The following PXMP2 variants were observed in gnomAD, a reference collection of about 807,000 sequenced individuals.
PXMP2 encodes the protein peroxisomal membrane protein 2.
PXMP2 carries 13 observed loss-of-function variants against 20.2 expected under a neutral mutation model. That is an observed-to-expected ratio of 0.64 (90% CI 0.42 to 1.02). The LOEUF is 1.02. Among genes scored for constraint, PXMP2 ranks in the 50% least tolerant of loss-of-function variants. The pLI, the probability that PXMP2 is intolerant of heterozygous loss-of-function variation, is 0.00. For missense variants in PXMP2, 284 were observed against 251.8 expected, an observed-to-expected ratio of 1.13 and a Z score of -0.87; for synonymous variants, 113 against 111.2, an observed-to-expected ratio of 1.02 and a Z score of -0.10.
chr12:132,689,367 A>G (rs2043352135), intron 1 of PXMP2, among the ~76,000 whole-genome samples: 1 of 152,170 alleles, frequency 6.6e-6, no homozygotes, highest in African/African-American at 2.4e-5. Context: ...CAGGCTGTGT[A>G]AAGAAGTGGA....
intron 4 of PXMP2, among the ~76,000 whole-genome samples, chr12:132,703,303 A>C (rs1196950877): frequency 1.3e-5 from 2 of 152,206 alleles, no homozygotes; most frequent in Non-Finnish European, 2.9e-5. Context: ...GTTTGAGAGA[A>C]GGTGAGAAGT....
intron 2 of PXMP2, among the ~76,000 whole-genome samples, chr12:132,691,269 G>C (rs182401735): frequency 1.5e-4 from 23 of 151,704 alleles, no homozygotes; most frequent in African/African-American, 5.1e-4. Flanking sequence ...AGGATGGTCT[G>C]GATCTCCTGA....
intron 3 of PXMP2, among the ~76,000 whole-genome samples, chr12:132,698,697 G>T (rs2043423136): frequency 6.6e-6 from 1 of 152,036 alleles, no homozygotes; most frequent in Non-Finnish European, 1.5e-5. Flanking sequence ...CACAATATCG[G>T]CTCACTGCAA....
intron 1 of PXMP2, among the ~76,000 whole-genome samples, chr12:132,689,215 G>A (rs1336584909): frequency 1.4e-5 from 2 of 141,534 alleles, no homozygotes; most frequent in Non-Finnish European, 3.1e-5. Context: ...TCTGCGTGGT[G>A]CGGGTGAAGA....
intron 2 of PXMP2, among the ~76,000 whole-genome samples, chr12:132,692,441 C>T (rs1174177543): frequency 1.0e-5 from 1 of 97,632 alleles, no homozygotes; most frequent in Admixed American, 1.0e-4. Context: ...AGTTAGTGAG[C>T]GCCCTTAGCC....
intron 1 of PXMP2, among the ~76,000 whole-genome samples, chr12:132,689,850 C>T (rs1337521079): frequency 6.6e-6 from 1 of 152,160 alleles, no homozygotes; most frequent in African/African-American, 2.4e-5. Context: ...AGATCCTATT[C>T]GGATTTCTCC....
At chr12:132,700,933 TAGCTCTGAGTAGC>T (rs1431585294) in intron 3 of PXMP2, among the ~76,000 whole-genome samples, 1 of 151,646 alleles carries the variant, frequency 6.6e-6, no homozygotes, top group African/African-American at 2.4e-5. Flanking sequence ...ATTGACAGCG[TAGCTCTGAGTAGC>T]AGTTCTGGTG....
chr12:132,696,946 G>A lies in PXMP2; in HGVS notation c.399+900G>A, dbSNP rs2043413193. The stretch of plus-strand genomic sequence containing the variant: ...GCTGAGATTGTGCCACTGCACTCCA[G>A]TCTGGGCAACAGAGCAAGACTCTGC... On this transcript the variant is annotated intron_variant, in intron 3 of 4. Transcript: ENST00000317479. The surrounding 1 kb of genome is among the most constrained non-coding windows in gnomAD (Gnocchi z 4.4). Among the ~76,000 whole-genome samples the A allele has an allele frequency of 6.6e-6, 1 of 151,816 alleles. No individual in the cohort carries two copies. The highest frequency in any genetic ancestry group is 2.4e-5 in the African/African-American group (1 of 41,322).
chr12:132,701,135 A>G, intron 3 of PXMP2, 115 bp from the exon 4 acceptor site: 1 of 1,458,396 alleles, frequency 6.9e-7, no homozygotes, highest in Non-Finnish European at 9.4e-7. Context: ...GTCTGCGTAC[A>G]CACAGAACAA....
chr12:132,702,033 T>G (rs113523972), intron 4 of PXMP2, among the ~76,000 whole-genome samples: 4,657 of 152,152 alleles, frequency 0.031, 228 homozygotes, highest in African/African-American at 0.1. Flanking sequence ...GAGGTTGGAG[T>G]GAGCTGAGAT....
At chr12:132,697,040 C>T (rs1182086010) in intron 3 of PXMP2, among the ~76,000 whole-genome samples, 1 of 151,952 alleles carries the variant, frequency 6.6e-6, no homozygotes, top group Admixed American at 6.6e-5. Flanking sequence ...GTAATCCCAG[C>T]ACTTTGTGAG....
At position 132,695,871 on chromosome 12, in the gene PXMP2, C is replaced by T. The variant is rs1312251809; in HGVS notation, c.237-13C>T. Reference sequence around the variant, plus strand: ...AGAACCACAATCTGGCTCACACCCCCTGGGGGCCTCAGGTTCTTCTTCACA... The same window carrying T: ...AGAACCACAATCTGGCTCACACCCCTTGGGGGCCTCAGGTTCTTCTTCACA... On this transcript the variant is annotated splice_polypyrimidine_tract_variant and intron_variant, in intron 2 of 4. Coordinates refer to ENST00000317479, the MANE Select transcript of PXMP2 (RefSeq NM_018663.3). 18 of 1,597,574 alleles carry T rather than the reference C, an allele frequency of 1.1e-5. No individual in the cohort carries two copies. Among genetic ancestry groups the T allele is most frequent in the South Asian group, 2.3e-5 (2 of 88,624 alleles).
At chr12:132,701,543 T>G (rs2043442081) in intron 4 of PXMP2, 174 bp downstream of exon 4, 6 of 916,750 alleles carry the variant, frequency 6.5e-6, no homozygotes, top group Non-Finnish European at 9.4e-6. Flanking sequence ...CAACTACCCT[T>G]GGATTTTGCC....
chr12:132,703,399 T>C (rs946407055), intron 4 of PXMP2, among the ~76,000 whole-genome samples: 16 of 152,148 alleles, frequency 1.1e-4, no homozygotes, highest in African/African-American at 3.9e-4. Flanking sequence ...GCTTGTGGGA[T>C]GGGCAAACAC....
At chr12:132,703,968 TG>T (rs1019923927) in intron 4 of PXMP2, among the ~76,000 whole-genome samples, 1 of 151,866 alleles carries the variant, frequency 6.6e-6, no homozygotes, top group Non-Finnish European at 1.5e-5. Flanking sequence ...CTGAGTAGCG[TG>T]GGGGCAGAGT....
Position 132,700,111 on chromosome 12 carries a change from G to A in PXMP2, c.400-1139G>A, listed in dbSNP as rs1481031310. On this transcript the variant is annotated intron_variant, in intron 3 of 4. Transcript: ENST00000317479. ...GGCTGGAGTGCAGTGGCACGATCTC[G>A]GCTCACCGCAACCTCCGCCTCCCGG... Among the ~76,000 whole-genome samples, 5 of 149,700 alleles carry A rather than the reference G, an allele frequency of 3.3e-5. No homozygotes were observed. The East Asian group carries it at 5.9e-4, about 18-fold the overall frequency.
In PXMP2 at chr12:132,700,040, AC is replaced by A. The variant is rs201360478; in HGVS notation, c.400-1208del. Among the ~76,000 whole-genome samples, 176 of 126,704 alleles carry A rather than the reference AC, an allele frequency of 1.4e-3. 16 individuals are homozygous for A. The highest frequency in any genetic ancestry group is 1.8e-3 in the Non-Finnish European group (106 of 58,092). The allele number at this position is 126,704 out of a possible 152,430, so 83.1% of individuals were successfully genotyped here. On this transcript the variant is annotated intron_variant, in intron 3 of 4. Coordinates refer to ENST00000317479, the MANE Select transcript of PXMP2 (RefSeq NM_018663.3). ...TCTTGCCAGCATCTATTGTTTTTTG[AC>A]CTTTTTTTTTTTTTTTTTGAGGCAG... is the stretch of plus-strand genomic sequence containing the variant.
At chr12:132,701,667 T>C (rs2043442896) in intron 4 of PXMP2, 2 of 373,072 alleles carry the variant, frequency 5.4e-6, no homozygotes, top group African/African-American at 4.4e-5. Context: ...AAAGCCCCCA[T>C]GCCAGGGATG....
At chr12:132,694,320 T>C (rs2043394192) in intron 2 of PXMP2, among the ~76,000 whole-genome samples, 2 of 97,164 alleles carry the variant, frequency 2.1e-5, no homozygotes, top group African/African-American at 7.1e-5. Flanking sequence ...TGAGCTCCCT[T>C]AGTCAGTTAG....
Sources: allele counts gnomAD v4.1 joint callset (sites outside exome capture counted in the v4.1 genomes callset), GRCh38; gene constraint gnomAD v4.1.1; non-coding constraint Gnocchi (gnomAD v3.1); transcripts MANE v1.5; gene names NCBI Gene and HGNC (gene_info 2026-07-23, HGNC 2026-07-21).